The following PEX5L variants were observed in gnomAD, a reference collection of about 807,000 sequenced individuals.
PEX5L encodes the protein peroxisomal biogenesis factor 5 like.
In PEX5L, 30 loss-of-function variants were observed where a neutral mutation model predicts 84.0. The ratio of observed to expected loss-of-function variants is 0.36; its 90% CI spans 0.27 to 0.48. The LOEUF is 0.48. PEX5L is among the 20% of genes least tolerant of loss of function. PEX5L has a pLI of 0.99. For missense variants in PEX5L, 533 were observed against 754.6 expected (o/e 0.71, Z 3.44); for synonymous variants, 270 against 283.1 (o/e 0.95, Z 0.46).
intron 8 of PEX5L, among the ~76,000 whole-genome samples, chr3:179,856,262 A>T (rs1213205684): frequency 1.3e-5 from 2 of 152,228 alleles, no homozygotes; most frequent in Non-Finnish European, 2.9e-5. Context: ...GTTACCTATT[A>T]TGCTGTTATC....
rs991389213 is a variant in PEX5L at position 179,939,029 on chromosome 3, G to C, written c.93+32565C>G. The stretch of plus-strand genomic sequence containing the variant: ...GACCTGGTCTAGTAAATGGCTCAGG[G>C]GCTGGGAAAAGACTGCATCATGCTG... On this transcript the variant is annotated intron_variant, in intron 2 of 14. Coordinates refer to ENST00000467460, the MANE Select transcript of PEX5L (RefSeq NM_016559.3). Among the ~76,000 whole-genome samples, 7 of 152,262 alleles carry C rather than the reference G, an allele frequency of 4.6e-5. No individual in the cohort carries two copies. The East Asian group carries it at 1.2e-3, about 25-fold the overall frequency.
At position 179,801,587 on chromosome 3, in the gene PEX5L, G is replaced by GT; in HGVS notation, c.*240dup. 1 of 476,794 alleles carries GT rather than the reference G, an allele frequency of 2.1e-6. No individual in the cohort carries two copies. 29.5% of individuals were successfully genotyped at this position (476,794 alleles called of 1,614,324 possible). ...TTCAACACACAGTTACTTTATCTTGGTTTGTCTTGAGTCTCTTAATTCTTC... is the reference window on the plus strand; with the variant it reads ...TTCAACACACAGTTACTTTATCTTGGTTTTGTCTTGAGTCTCTTAATTCTTC... On this transcript the variant is annotated 3_prime_UTR_variant, in exon 15 of 15. Coordinates refer to ENST00000467460, the MANE Select transcript of PEX5L (RefSeq NM_016559.3).
chr3:179,821,992 T>C (rs1213762385), intron 8 of PEX5L, among the ~76,000 whole-genome samples: 4 of 152,214 alleles, frequency 2.6e-5, no homozygotes, highest in Non-Finnish European at 5.9e-5. Flanking sequence ...AACAAAAATA[T>C]CTTTCCTTTT....
chr3:179,890,116 G>A (rs1227688920), intron 3 of PEX5L, among the ~76,000 whole-genome samples: 1 of 152,090 alleles, frequency 6.6e-6, no homozygotes, highest in East Asian at 1.9e-4. Context: ...GGTAGGACTT[G>A]CTCTTTTAAC....
At position 179,880,003 on chromosome 3, in the gene PEX5L, G is replaced by C. The variant is rs1310982967; in HGVS notation, c.431C>G (p.Ser144Cys). The C allele has an allele frequency of 6.2e-7, 1 of 1,613,980 alleles. No individual in the cohort carries two copies. The highest frequency in any genetic ancestry group is 1.1e-5 in the South Asian group (1 of 91,062). ...CTCAGCATCCGTGCTGATGAGGTCA[G>C]ATCCATCGGCCTTTTTCTTGAGGGA... is the stretch of plus-strand genomic sequence containing the variant. ...TSSLKKKADGSDLISTDAEQR... is the reference protein window; with the variant it reads ...TSSLKKKADGCDLISTDAEQR... Residue 144 changes from serine to cysteine, a missense_variant, in exon 5 of 15, where the codon TCT becomes TGT. Ser to Cys is a moderately radical substitution (Grantham distance 112). This residue lies in a region of PEX5L where 259 missense variants were observed against 301.7 expected (regional missense o/e 0.86). Coordinates refer to ENST00000467460, the MANE Select transcript of PEX5L (RefSeq NM_016559.3).
chr3:179,911,937 G>A (rs1765326178), intron 2 of PEX5L, among the ~76,000 whole-genome samples: 1 of 152,150 alleles, frequency 6.6e-6, no homozygotes, highest in Admixed American at 6.5e-5. Flanking sequence ...TGCTGGAATA[G>A]TTCAAGCAAT....
At position 179,968,730 on chromosome 3, in the gene PEX5L, T is replaced by TGTG. The variant is rs1244794781; in HGVS notation, c.93+2863_93+2864insCAC. On this transcript the variant is annotated intron_variant, in intron 2 of 14. Coordinates refer to ENST00000467460, the MANE Select transcript of PEX5L (RefSeq NM_016559.3). Reference sequence around the variant, plus strand: ...GTGTGTGTGTGTGTGTGTCTGTGTGTGTCTGTGTGTCTGTGTATCATATGG... The same window carrying TGTG: ...GTGTGTGTGTGTGTGTGTCTGTGTGTGTGGTCTGTGTGTCTGTGTATCATATGG... 2.1e-5 allele frequency among the ~76,000 whole-genome samples: 3 copies of TGTG among 146,322 alleles called. No homozygotes were observed. The East Asian group carries it at 5.9e-4, about 29-fold the overall frequency.
At chr3:179,969,488 C>A (rs573354566) in intron 2 of PEX5L, among the ~76,000 whole-genome samples, 1 of 152,002 alleles carries the variant, frequency 6.6e-6, no homozygotes, top group Non-Finnish European at 1.5e-5. Flanking sequence ...AATTTGTTGA[C>A]CTCTTAAACT....
At chr3:179,849,371 T>C (rs527809196) in intron 8 of PEX5L, among the ~76,000 whole-genome samples, 2 of 152,314 alleles carry the variant, frequency 1.3e-5, no homozygotes, top group South Asian at 2.1e-4. Flanking sequence ...ATTATTAAAA[T>C]AAAATGTTCA....
At chr3:180,014,864 C>A (rs9631493) in intron 1 of PEX5L, among the ~76,000 whole-genome samples, 2,246 of 152,232 alleles carry the variant, frequency 0.015, 70 homozygotes, top group African/African-American at 0.051. Flanking sequence ...GCAATTGCAG[C>A]TATTTCACCA....
chr3:179,965,568 ACT>A (rs553356512), intron 2 of PEX5L, among the ~76,000 whole-genome samples: 5 of 151,852 alleles, frequency 3.3e-5, no homozygotes, highest in Admixed American at 3.3e-4. Flanking sequence ...ATGACACGTG[ACT>A]CTCTGTATTT....
chr3:179,880,194 G>T, intron 4 of PEX5L, 71 bp from the exon 5 acceptor site: 2 of 925,762 alleles, frequency 2.2e-6, no homozygotes, highest in Non-Finnish European at 3.2e-6. Flanking sequence ...GGTTTCAGTT[G>T]GGTACAGAAA....
intron 2 of PEX5L, among the ~76,000 whole-genome samples, chr3:179,930,306 G>C (rs1463352207): frequency 6.6e-6 from 1 of 152,116 alleles, no homozygotes; most frequent in Non-Finnish European, 1.5e-5. Context: ...TTCCTTTCCA[G>C]AGGCTTAAAG....
chr3:179,840,829 G>A (rs901674944), intron 8 of PEX5L, among the ~76,000 whole-genome samples: 1 of 152,138 alleles, frequency 6.6e-6, no homozygotes, highest in Non-Finnish European at 1.5e-5. Context: ...AGGAACTGGC[G>A]TGAGACGGAA....
At chr3:179,934,790 T>C (rs954563368) in intron 2 of PEX5L, among the ~76,000 whole-genome samples, 1 of 152,216 alleles carries the variant, frequency 6.6e-6, no homozygotes, top group Non-Finnish European at 1.5e-5. Context: ...GTTTGGAAAC[T>C]ATAATCTCAA....
At chr3:179,813,086 C>T (rs908426221) in intron 10 of PEX5L, among the ~76,000 whole-genome samples, 4 of 152,162 alleles carry the variant, frequency 2.6e-5, no homozygotes, top group African/African-American at 9.7e-5. Context: ...AACATACAGA[C>T]AGCAACCTCT....
At chr3:179,951,856 G>A (rs997907899) in intron 2 of PEX5L, among the ~76,000 whole-genome samples, 76 of 152,250 alleles carry the variant, frequency 5.0e-4, no homozygotes, top group African/African-American at 1.8e-3. Context: ...AGGTGATGAC[G>A]ATGAAATGAA....
intron 14 of PEX5L, among the ~76,000 whole-genome samples, chr3:179,806,710 G>A (rs1721440568): frequency 6.6e-6 from 1 of 152,204 alleles, no homozygotes; most frequent in South Asian, 2.1e-4. Context: ...CATCTGCTCT[G>A]TGCTAGGCAA....
chr3:179,844,562 C>A (rs1377818884), intron 8 of PEX5L, among the ~76,000 whole-genome samples: 1 of 152,250 alleles, frequency 6.6e-6, no homozygotes, highest in African/African-American at 2.4e-5. Flanking sequence ...GGCGCGGTGG[C>A]TCACGCCTGT....
Sources: allele counts gnomAD v4.1 joint callset (sites outside exome capture counted in the v4.1 genomes callset), GRCh38; gene constraint gnomAD v4.1.1; regional missense constraint gnomAD v4.1.1; transcripts MANE v1.5; gene names NCBI Gene and HGNC (gene_info 2026-07-23, HGNC 2026-07-21).